The following KIFAP3 variants were observed in gnomAD, a reference collection of about 807,000 sequenced individuals.
KIFAP3 encodes the protein kinesin-associated protein 3.
In KIFAP3, 68 loss-of-function variants were observed where a neutral mutation model predicts 106.5. The ratio of observed to expected loss-of-function variants is 0.64; its 90% confidence interval spans 0.53 to 0.78. KIFAP3 has a LOEUF of 0.78. KIFAP3 is among the 30% of genes least tolerant of loss of function. The pLI, the probability that KIFAP3 is intolerant of heterozygous loss-of-function variation, is 0.00. For synonymous variants in KIFAP3, 320 were observed against 311.5 expected (o/e 1.03, Z -0.29); for missense variants, 780 against 941.8 (o/e 0.83, Z 2.25).
intron 18 of KIFAP3, 78 bp from the exon 19 acceptor site, chr1:169,954,188 A>G: frequency 3.7e-6 from 3 of 817,322 alleles, no homozygotes; most frequent in Non-Finnish European, 6.2e-6. Flanking sequence ...CAATAAGAAA[A>G]TAACTTGTAT....
chr1:170,072,937 G>A (rs1002381539), intron 1 of KIFAP3, among the ~76,000 whole-genome samples: 4 of 152,048 alleles, frequency 2.6e-5, no homozygotes, highest in Non-Finnish European at 5.9e-5. Context: ...TACATTGACT[G>A]GCTTGGTTTT....
chr1:170,020,405 T>C (rs1479149307), intron 9 of KIFAP3, among the ~76,000 whole-genome samples: 1 of 152,162 alleles, frequency 6.6e-6, no homozygotes, highest in Non-Finnish European at 1.5e-5. Context: ...CACAGATTAA[T>C]GGAACAGAAA....
intron 1 of KIFAP3, chr1:170,069,014 C>G (rs1397199610): frequency 2.0e-5 from 3 of 152,110 alleles, no homozygotes; most frequent in Non-Finnish European, 4.4e-5. Flanking sequence ...AGAAGAGACT[C>G]AAATTACTAA....
Position 169,983,308 on chromosome 1 carries a change from T to C in KIFAP3, c.1468A>G (p.Ile490Val), listed in dbSNP as rs767528514. The C allele has an allele frequency of 1.9e-6, 3 of 1,608,808 alleles. No homozygotes were observed. The highest frequency in any genetic ancestry group is 1.7e-5 in the Admixed American group (1 of 59,506). ...TTAGTTGGTCCATCATGCTGAGAAATGTTTCTAATCATTTTCATCAGCAAT... is the reference window on the plus strand; with the variant it reads ...TTAGTTGGTCCATCATGCTGAGAAACGTTTCTAATCATTTTCATCAGCAAT... ...DPLLMKMIRNISQHDGPTKNL... is the reference protein window; with the variant it reads ...DPLLMKMIRNVSQHDGPTKNL... Residue 490 changes from isoleucine to valine, a missense_variant, in exon 13 of 20, where the codon ATT becomes GTT. This residue lies in a region of KIFAP3 where 588 missense variants were observed against 678.9 expected (regional missense o/e 0.87). Coordinates refer to ENST00000361580, the MANE Select transcript of KIFAP3 (RefSeq NM_014970.4).
At chr1:170,000,380 T>G (rs991337685) in intron 10 of KIFAP3, among the ~76,000 whole-genome samples, 1 of 152,134 alleles carries the variant, frequency 6.6e-6, no homozygotes, top group Non-Finnish European at 1.5e-5. Context: ...TATATTAGGA[T>G]AGAATAGCAT....
chr1:170,056,668 T>C (rs922012824), intron 1 of KIFAP3, among the ~76,000 whole-genome samples: 2 of 152,204 alleles, frequency 1.3e-5, no homozygotes, highest in African/African-American at 2.4e-5. Context: ...TGACTAATTA[T>C]GCATATTTTT....
At chr1:170,054,879 T>G (rs1426748660) in intron 2 of KIFAP3, among the ~76,000 whole-genome samples, 1 of 152,024 alleles carries the variant, frequency 6.6e-6, no homozygotes, top group African/African-American at 2.4e-5. Flanking sequence ...AAAACCTAAA[T>G]GAGGGGTTGA....
chr1:170,033,669 T>C (rs1231937308), intron 7 of KIFAP3, among the ~76,000 whole-genome samples: 1 of 151,668 alleles, frequency 6.6e-6, no homozygotes. Context: ...CTAGAACCAA[T>C]GGATAGAAGT....
intron 2 of KIFAP3, among the ~76,000 whole-genome samples, chr1:170,051,229 A>G (rs1041592173): frequency 6.6e-6 from 1 of 152,196 alleles, no homozygotes; most frequent in Non-Finnish European, 1.5e-5. Context: ...ACAAAGATCA[A>G]AAAAGACAAA....
intron 1 of KIFAP3, chr1:170,084,938 A>T (rs1202968110): frequency 6.6e-6 from 1 of 152,200 alleles, no homozygotes; most frequent in Non-Finnish European, 1.5e-5. Context: ...AACGGAAAAC[A>T]GAGGGGTTAG....
chr1:169,986,192 T>C (rs1160051789), intron 11 of KIFAP3, among the ~76,000 whole-genome samples: 1 of 151,928 alleles, frequency 6.6e-6, no homozygotes, highest in East Asian at 1.9e-4. Flanking sequence ...TTTTGATTAC[T>C]GTTAGTTCAA....
intron 17 of KIFAP3, among the ~76,000 whole-genome samples, chr1:169,964,508 G>A (rs374177949): frequency 1.5e-4 from 23 of 152,182 alleles, no homozygotes; most frequent in African/African-American, 2.9e-4. Flanking sequence ...CTAAGATTTC[G>A]TAAGCAAGCA....
chr1:170,060,609 A>C (rs573865077), intron 1 of KIFAP3, among the ~76,000 whole-genome samples: 36 of 152,238 alleles, frequency 2.4e-4, no homozygotes, highest in Non-Finnish European at 4.3e-4. Flanking sequence ...AGATTCAATG[A>C]CATCCCCATC....
intron 16 of KIFAP3, among the ~76,000 whole-genome samples, chr1:169,972,865 C>T (rs1665990607): frequency 6.6e-6 from 1 of 151,250 alleles, no homozygotes; most frequent in African/African-American, 2.4e-5. Context: ...AAGTACAAGA[C>T]CACATTTCTG....
chr1:169,927,149 C>G (rs1055133299), intron 19 of KIFAP3, among the ~76,000 whole-genome samples: 2 of 152,118 alleles, frequency 1.3e-5, no homozygotes, highest in African/African-American at 4.8e-5. Flanking sequence ...AATAGTGACT[C>G]TATATACCAT....
At chr1:170,077,366 T>C (rs1314190569), upstream of KIFAP3, among the ~76,000 whole-genome samples, 2 of 152,148 alleles carry the variant, frequency 1.3e-5, no homozygotes, top group Non-Finnish European at 2.9e-5. Flanking sequence ...TAGTAGAAAA[T>C]GAAAAACAGA....
chr1:169,954,907 A>G (rs1315144659), intron 18 of KIFAP3, among the ~76,000 whole-genome samples: 2 of 152,174 alleles, frequency 1.3e-5, no homozygotes, highest in African/African-American at 4.8e-5. Context: ...CTGATTATAG[A>G]GTTGTACTAC....
chr1:170,073,580 A>G (rs563813549), intron 1 of KIFAP3, among the ~76,000 whole-genome samples: 1 of 152,266 alleles, frequency 6.6e-6, no homozygotes, highest in African/African-American at 2.4e-5. Flanking sequence ...CGCCTGTCCC[A>G]TTTTCAGATG....
chr1:170,037,976 CTTTAA>C (rs1041077707), intron 5 of KIFAP3, among the ~76,000 whole-genome samples: 12 of 152,028 alleles, frequency 7.9e-5, no homozygotes, highest in South Asian at 2.1e-4. Flanking sequence ...AATATTGGAA[CTTTAA>C]TTTAATAAAA....
Sources: allele counts gnomAD v4.1 joint callset (sites outside exome capture counted in the v4.1 genomes callset), GRCh38; gene constraint gnomAD v4.1.1; regional missense constraint gnomAD v4.1.1; transcripts MANE v1.5; gene names NCBI Gene and HGNC (gene_info 2026-07-23, HGNC 2026-07-21).